The following TRIO variants were observed in gnomAD, a reference collection of about 807,000 sequenced individuals.
TRIO encodes the protein trio Rho guanine nucleotide exchange factor, also known as triple functional domain protein.
In TRIO, 58 loss-of-function variants were observed where a neutral mutation model predicts 351.9. The observed-to-expected ratio is 0.16, with a 90% confidence interval of 0.13 to 0.21. The LOEUF (loss-of-function observed/expected upper bound fraction) is 0.21. TRIO is among the 10% of genes least tolerant of loss of function. The pLI, the probability that TRIO is intolerant of heterozygous loss-of-function variation, is 1.00. For missense variants in TRIO, 3,201 were observed against 4,027.8 expected (o/e 0.79, Z 5.56); for synonymous variants, 1,758 against 1,595.7 (o/e 1.10, Z -2.42).
chr5:14,247,312 A>G (rs1212780885), intron 1 of TRIO, among the ~76,000 whole-genome samples: 1 of 152,260 alleles, frequency 6.6e-6, no homozygotes, highest in Non-Finnish European at 1.5e-5. Context: ...TGTAAACTTC[A>G]GAATTAGGGG....
chr5:14,492,534 T>G (rs1267016782), intron 48 of TRIO, 33 bp from the exon 49 acceptor site: 9 of 1,607,940 alleles, frequency 5.6e-6, no homozygotes, highest in Non-Finnish European at 7.7e-6. Flanking sequence ...AGTTCCTCCC[T>G]GCCTTTCTCT....
intron 9 of TRIO, among the ~76,000 whole-genome samples, chr5:14,321,683 C>T (rs964791992): frequency 9.9e-5 from 15 of 152,110 alleles, no homozygotes; most frequent in East Asian, 3.9e-4. Context: ...CCCTTGTGGA[C>T]GCCTGATATG....
intron 34 of TRIO, among the ~76,000 whole-genome samples, chr5:14,432,489 A>G (rs1286488177): frequency 6.6e-6 from 1 of 152,230 alleles, no homozygotes; most frequent in African/African-American, 2.4e-5. Context: ...TTGAGAGGCC[A>G]TGGGCCCTCC....
intron 1 of TRIO, among the ~76,000 whole-genome samples, chr5:14,177,000 A>G (rs1789444943): frequency 6.6e-6 from 1 of 152,212 alleles, no homozygotes; most frequent in Non-Finnish European, 1.5e-5. Context: ...TTTTATAAGA[A>G]TATTCTTAGG....
chr5:14,365,739 C>T (rs926414891), intron 15 of TRIO, among the ~76,000 whole-genome samples: 1 of 152,148 alleles, frequency 6.6e-6, no homozygotes, highest in Non-Finnish European at 1.5e-5. Context: ...TGTGACAAGT[C>T]AGAATGTAGA....
chr5:14,330,934 A>C, intron 10 of TRIO, 34 bp downstream of exon 10: 1 of 1,610,722 alleles, frequency 6.2e-7, no homozygotes, highest in Non-Finnish European at 8.5e-7. Context: ...TTATCCCATA[A>C]ATACCCGTGT....
chr5:14,236,852 A>G (rs1793799397), intron 1 of TRIO, among the ~76,000 whole-genome samples: 2 of 151,850 alleles, frequency 1.3e-5, no homozygotes, highest in African/African-American at 4.8e-5. Flanking sequence ...CAGCCTCCCC[A>G]TTCCTTCCAG....
At chr5:14,327,888 G>C (rs1476942201) in intron 9 of TRIO, among the ~76,000 whole-genome samples, 2 of 152,218 alleles carry the variant, frequency 1.3e-5, no homozygotes, top group East Asian at 1.9e-4. Flanking sequence ...TTCTTTAGCC[G>C]TGGAATGGAC....
At chr5:14,421,215 A>ATTT (rs1750103633) in intron 34 of TRIO, among the ~76,000 whole-genome samples, 1 of 126,708 alleles carries the variant, frequency 7.9e-6, no homozygotes, top group African/African-American at 4.2e-5. Flanking sequence ...TCCCTTATTT[A>ATTT]ATTATTTATT....
At chr5:14,167,003 G>A (rs1433296902) in intron 1 of TRIO, among the ~76,000 whole-genome samples, 1 of 151,916 alleles carries the variant, frequency 6.6e-6, no homozygotes, top group African/African-American at 2.4e-5. Flanking sequence ...CCATTCTTGG[G>A]CTTATGTCTT....
At chr5:14,455,669 G>A (rs1038023468) in intron 34 of TRIO, among the ~76,000 whole-genome samples, 1 of 152,138 alleles carries the variant, frequency 6.6e-6, no homozygotes, top group Non-Finnish European at 1.5e-5. Flanking sequence ...AAACATAAAT[G>A]TTCTCCAACT....
At chr5:14,450,613 A>G (rs909862714) in intron 34 of TRIO, among the ~76,000 whole-genome samples, 6 of 152,240 alleles carry the variant, frequency 3.9e-5, no homozygotes, top group Non-Finnish European at 7.3e-5. Context: ...TTGAAAGCAA[A>G]GACAGAGTTC....
chr5:14,374,678 C>G (rs1200535686), intron 19 of TRIO, among the ~76,000 whole-genome samples: 1 of 152,054 alleles, frequency 6.6e-6, no homozygotes, highest in African/African-American at 2.4e-5. Flanking sequence ...CCAGAGTTAT[C>G]TATAGGCAAA....
chr5:14,145,917 G>C (rs1787497057), intron 1 of TRIO, among the ~76,000 whole-genome samples: 1 of 152,202 alleles, frequency 6.6e-6, no homozygotes, highest in Non-Finnish European at 1.5e-5. Context: ...TCAGAACCAG[G>C]TAATGTCTCA....
rs1753941132 is a variant in TRIO at position 14,462,944 on chromosome 5, TGGGG to T, written c.5667+20_5667+23del. On this transcript the variant is annotated intron_variant, in intron 36 of 56. Coordinates refer to ENST00000344204, the MANE Select transcript of TRIO (RefSeq NM_007118.4). ...TGACAAGGTAAAGGGGGATGAGGGCTGGGGAATCCATGCCTGCCGTGCAGGGGCA... is the reference window on the plus strand; with the variant it reads ...TGACAAGGTAAAGGGGGATGAGGGCTAATCCATGCCTGCCGTGCAGGGGCA... 3.9e-6 allele frequency: 6 copies of T among 1,549,518 alleles called. No individual in the cohort carries two copies. Among genetic ancestry groups the T allele is most frequent in the Non-Finnish European group, 5.2e-6 (6 of 1,150,596 alleles).
At chr5:14,193,718 G>A (rs1790582434) in intron 1 of TRIO, among the ~76,000 whole-genome samples, 1 of 152,188 alleles carries the variant, frequency 6.6e-6, no homozygotes, top group African/African-American at 2.4e-5. Context: ...CTGTCAGAGA[G>A]TATCTCATTG....
At chr5:14,403,561 GGTT>G (rs1474978660) in intron 31 of TRIO, among the ~76,000 whole-genome samples, 13 of 113,782 alleles carry the variant, frequency 1.1e-4, no homozygotes, top group Non-Finnish European at 1.1e-4. Flanking sequence ...TGAGGGTGCA[GGTT>G]GTGGTGGTGA....
chr5:14,476,317 C>T, intron 40 of TRIO, among the ~76,000 whole-genome samples: 1 of 152,170 alleles, frequency 6.6e-6, no homozygotes, highest in East Asian at 1.9e-4. Context: ...TGTTTGTTAT[C>T]CAAAGACCAG....
intron 1 of TRIO, among the ~76,000 whole-genome samples, chr5:14,200,030 A>G (rs1009119630): frequency 7.9e-5 from 12 of 152,304 alleles, no homozygotes; most frequent in Non-Finnish European, 1.8e-4. Flanking sequence ...TGACTATACT[A>G]GGGTTGTGAG....
Sources: allele counts gnomAD v4.1 joint callset (sites outside exome capture counted in the v4.1 genomes callset), GRCh38; gene constraint gnomAD v4.1.1; transcripts MANE v1.5; gene names NCBI Gene and HGNC (gene_info 2026-07-23, HGNC 2026-07-21).